MSTO1: variants seen among roughly 807,000 people sequenced by gnomAD.
MSTO1 encodes the protein misato mitochondrial distribution and morphology regulator 1.
MSTO1 carries 24 observed loss-of-function variants against 55.7 expected under a neutral mutation model. The observed-to-expected ratio is 0.43, with a 90% confidence interval of 0.31 to 0.61. The LOEUF (loss-of-function observed/expected upper bound fraction) is 0.61, where lower values mean the gene tolerates loss of function less well. Among genes scored for constraint, MSTO1 ranks in the 20% least tolerant of loss-of-function variants. MSTO1 has a pLI of 0.09. For missense variants in MSTO1, 363 were observed against 625.7 expected (o/e 0.58, Z 4.48); for synonymous variants, 162 against 252.8 (o/e 0.64, Z 3.41).
At chr1:155,591,041 G>A in the MSTO1 span, 4 of 1,613,756 alleles carry the variant, frequency 2.5e-6, no homozygotes, top group Non-Finnish European at 2.5e-6. Flanking sequence ...TGCAGGTCCT[G>A]TGGCAGCGCC....
chr1:155,563,596 A>G, the MSTO1 span: 1 of 456,430 alleles, frequency 2.2e-6, no homozygotes, highest in South Asian at 1.5e-5. Context: ...TTACTCATGG[A>G]TGGTACTTCT....
At chr1:155,565,408 G>T in the MSTO1 span, among the ~76,000 whole-genome samples, 20 of 152,058 alleles carry the variant, frequency 1.3e-4, no homozygotes, top group Non-Finnish European at 2.9e-5. Flanking sequence ...AGGGGAACAC[G>T]TATTCCTGTT....
chr1:155,598,984 C>A, the MSTO1 span: 1 of 908,252 alleles, frequency 1.1e-6, no homozygotes, highest in Non-Finnish European at 1.7e-6. Context: ...AGTCTTGTAG[C>A]TTTAATTTTC....
chr1:155,589,037 C>T, the MSTO1 span, among the ~76,000 whole-genome samples: 1 of 152,164 alleles, frequency 6.6e-6, no homozygotes, highest in Admixed American at 6.6e-5. Flanking sequence ...GTAGCTCATG[C>T]CTGTAATCCC....
the MSTO1 span, among the ~76,000 whole-genome samples, chr1:155,583,078 C>T: frequency 4.0e-5 from 6 of 151,700 alleles, no homozygotes; most frequent in Admixed American, 1.3e-4. Context: ...GCCACGTTGC[C>T]GAGGCTGATC....
the MSTO1 span, among the ~76,000 whole-genome samples, chr1:155,580,000 C>T: frequency 4.7e-5 from 7 of 150,424 alleles, no homozygotes; most frequent in East Asian, 5.9e-4. Context: ...TTCTTGAACC[C>T]GGGAGGCAGA....
the MSTO1 span, among the ~76,000 whole-genome samples, chr1:155,584,763 CAAT>C: frequency 6.9e-6 from 1 of 145,300 alleles, no homozygotes; most frequent in South Asian, 2.3e-4. Flanking sequence ...TTTTTTTAGA[CAAT>C]ATCTCACTGT....
At chr1:155,604,484 G>C in the MSTO1 span, among the ~76,000 whole-genome samples, 1 of 152,138 alleles carries the variant, frequency 6.6e-6, no homozygotes, top group Non-Finnish European at 1.5e-5. Context: ...GTGCCCATTG[G>C]TCAGGAAAAA....
chr1:155,565,224 G>A, the MSTO1 span, among the ~76,000 whole-genome samples: 2 of 151,684 alleles, frequency 1.3e-5, no homozygotes, highest in African/African-American at 4.9e-5. Context: ...GAACCCAGGA[G>A]GGAGAGGTTG....
At chr1:155,590,186 G>T in the MSTO1 span, among the ~76,000 whole-genome samples, 1 of 152,036 alleles carries the variant, frequency 6.6e-6, no homozygotes, top group Non-Finnish European at 1.5e-5. Flanking sequence ...GAAGAGAGGA[G>T]CTCCAGAGGC....
At chr1:155,576,470 G>A in the MSTO1 span, among the ~76,000 whole-genome samples, 26 of 151,786 alleles carry the variant, frequency 1.7e-4, no homozygotes, top group African/African-American at 5.8e-4. Flanking sequence ...GGGACTACAG[G>A]TGCGCACCAC....
the MSTO1 span, among the ~76,000 whole-genome samples, chr1:155,604,283 C>A: frequency 6.6e-6 from 1 of 152,128 alleles, no homozygotes; most frequent in Non-Finnish European, 1.5e-5. Flanking sequence ...AATGTACTTT[C>A]TTTTCAAGCA....
At chr1:155,602,221 G>A in the MSTO1 span, 1 of 587,220 alleles carries the variant, frequency 1.7e-6, no homozygotes, top group Non-Finnish European at 3.3e-6. Context: ...GCTCACACCT[G>A]TAATCACAGC....
upstream of MSTO1, among the ~76,000 whole-genome samples, chr1:155,608,561 G>C (rs981678683): frequency 1.3e-5 from 2 of 148,446 alleles, no homozygotes; most frequent in Admixed American, 6.7e-5. Flanking sequence ...GTGCAGTGGC[G>C]CGATCTCGGC....
At chr1:155,595,176 GTTTTTTTTTT>G in the MSTO1 span, among the ~76,000 whole-genome samples, 2 of 102,512 alleles carry the variant, frequency 2.0e-5, no homozygotes, top group Non-Finnish European at 3.8e-5. Context: ...CAGGTTTGTT[GTTTTTTTTTT>G]TTTTTTTTTG....
chr1:155,591,524 G>T, the MSTO1 span, among the ~76,000 whole-genome samples: 1 of 152,130 alleles, frequency 6.6e-6, no homozygotes, highest in Non-Finnish European at 1.5e-5. Context: ...AGGTGTGGTG[G>T]CTTACACCTG....
At chr1:155,592,680 A>G in the MSTO1 span, among the ~76,000 whole-genome samples, 1,018 of 151,790 alleles carry the variant, frequency 6.7e-3, 8 homozygotes, top group African/African-American at 0.023. Flanking sequence ...CAGACACCTG[A>G]GTAGCTGGGA....
chr1:155,596,066 T>C, the MSTO1 span, among the ~76,000 whole-genome samples: 1 of 152,178 alleles, frequency 6.6e-6, no homozygotes, highest in Admixed American at 6.6e-5. Flanking sequence ...TCCCTGCCCC[T>C]ACCCTCTGAG....
chr1:155,594,452 A>G, the MSTO1 span, among the ~76,000 whole-genome samples: 4 of 152,126 alleles, frequency 2.6e-5, no homozygotes, highest in Non-Finnish European at 4.4e-5. Context: ...GGGAAGTTGA[A>G]GTAGAATGAG....
Sources: allele counts gnomAD v4.1 joint callset (sites outside exome capture counted in the v4.1 genomes callset), GRCh38; gene constraint gnomAD v4.1.1; transcripts MANE v1.5; gene names NCBI Gene and HGNC (gene_info 2026-07-23, HGNC 2026-07-21).